Variants in NR2F1-AS1 observed in about 807,000 individuals in gnomAD.
NR2F1-AS1 encodes the protein NR2F1 antisense RNA 1.
intron 4 of NR2F1-AS1, among the ~76,000 whole-genome samples, chr5:93,506,787 T>A (rs1184292464): frequency 1.3e-5 from 2 of 152,070 alleles, no homozygotes; most frequent in Non-Finnish European, 2.9e-5. Context: ...CAATTCAAGT[T>A]GAGATTTGGG....
chr5:93,426,103 A>G (rs1457298370), intron 4 of NR2F1-AS1, among the ~76,000 whole-genome samples: 1 of 151,646 alleles, frequency 6.6e-6, no homozygotes, highest in African/African-American at 2.4e-5. Flanking sequence ...GCTGGAGTGC[A>G]GTGGTGCCAT....
chr5:93,575,666 C>T (rs1752879291), intron 1 of NR2F1-AS1, among the ~76,000 whole-genome samples: 1 of 152,114 alleles, frequency 6.6e-6, no homozygotes, highest in East Asian at 1.9e-4. Context: ...CAGTTGAAAA[C>T]AGAAAGGAAA....
intron 4 of NR2F1-AS1, among the ~76,000 whole-genome samples, chr5:93,460,133 T>C (rs1280895976): frequency 6.6e-6 from 1 of 152,078 alleles, no homozygotes; most frequent in Admixed American, 6.6e-5. Flanking sequence ...CCAGACTTGA[T>C]GAAAACGCCC....
chr5:93,434,830 A>G (rs1302485110), intron 4 of NR2F1-AS1, among the ~76,000 whole-genome samples: 1 of 152,066 alleles, frequency 6.6e-6, no homozygotes, highest in Non-Finnish European at 1.5e-5. Flanking sequence ...AATTTTTTTT[A>G]TAATTAGATT....
At chr5:93,515,845 T>G (rs895616466) in intron 4 of NR2F1-AS1, among the ~76,000 whole-genome samples, 24 of 151,940 alleles carry the variant, frequency 1.6e-4, no homozygotes, top group African/African-American at 5.8e-4. Flanking sequence ...TCATTTTTAC[T>G]TATTTATGGT....
At chr5:93,521,454 A>T (rs990711215) in intron 4 of NR2F1-AS1, among the ~76,000 whole-genome samples, 6 of 152,222 alleles carry the variant, frequency 3.9e-5, no homozygotes, top group African/African-American at 1.4e-4. Context: ...AATATTTGCA[A>T]ACTATGTACC....
chr5:93,412,030 T>G (rs11951859), intron 4 of NR2F1-AS1, among the ~76,000 whole-genome samples: 14 of 151,990 alleles, frequency 9.2e-5, no homozygotes, highest in Non-Finnish European at 1.9e-4. Context: ...GAGGCACACA[T>G]GAAAACTTCA....
chr5:93,497,378 C>A (rs759369414), intron 4 of NR2F1-AS1, among the ~76,000 whole-genome samples: 1 of 152,258 alleles, frequency 6.6e-6, no homozygotes, highest in East Asian at 1.9e-4. Flanking sequence ...TGGCTGAAAC[C>A]AAATATAAGG....
chr5:93,525,380 A>G (rs1157420014), intron 4 of NR2F1-AS1, among the ~76,000 whole-genome samples: 2 of 152,216 alleles, frequency 1.3e-5, no homozygotes, highest in African/African-American at 2.4e-5. Context: ...AGAGACCTAC[A>G]AAGAGATGTA....
At chr5:93,535,526 A>G (rs916881014) in intron 4 of NR2F1-AS1, among the ~76,000 whole-genome samples, 49 of 151,940 alleles carry the variant, frequency 3.2e-4, no homozygotes, top group African/African-American at 1.2e-3. Context: ...GAAGCAAGAA[A>G]TAAAAAGATA....
chr5:93,537,489 G>A (rs540075897), intron 4 of NR2F1-AS1, among the ~76,000 whole-genome samples: 12 of 152,080 alleles, frequency 7.9e-5, no homozygotes, highest in Admixed American at 7.2e-4. Flanking sequence ...TTTAAAATGG[G>A]CAAAAGACCT....
intron 4 of NR2F1-AS1, among the ~76,000 whole-genome samples, chr5:93,469,058 T>C (rs1036944080): frequency 6.6e-6 from 1 of 152,214 alleles, no homozygotes; most frequent in African/African-American, 2.4e-5. Context: ...CAGGGCTTTT[T>C]TGGCTCATTG....
chr5:93,510,865 A>G (rs1372107302), intron 4 of NR2F1-AS1, among the ~76,000 whole-genome samples: 2 of 152,154 alleles, frequency 1.3e-5, no homozygotes, highest in African/African-American at 4.8e-5. Context: ...GAGAAGTTTG[A>G]TTGTTTATTA....
chr5:93,450,579 A>T (rs1264918365), intron 4 of NR2F1-AS1, among the ~76,000 whole-genome samples: 1 of 152,194 alleles, frequency 6.6e-6, no homozygotes, highest in Non-Finnish European at 1.5e-5. Flanking sequence ...TCTATATCAC[A>T]ATCACTGTAG....
intron 4 of NR2F1-AS1, among the ~76,000 whole-genome samples, chr5:93,491,451 A>T (rs1026898281): frequency 3.3e-5 from 5 of 151,512 alleles, no homozygotes; most frequent in African/African-American, 7.3e-5. Context: ...GGAAACCAAA[A>T]TTTTTTTTTA....
chr5:93,463,981 C>T (rs1026012364), intron 4 of NR2F1-AS1, among the ~76,000 whole-genome samples: 2 of 152,040 alleles, frequency 1.3e-5, no homozygotes, highest in African/African-American at 2.4e-5. Flanking sequence ...TGAGTTAAGA[C>T]TTTGGGAGAC....
intron 4 of NR2F1-AS1, among the ~76,000 whole-genome samples, chr5:93,470,763 A>G (rs1189818016): frequency 6.6e-6 from 1 of 151,874 alleles, no homozygotes; most frequent in South Asian, 2.1e-4. Flanking sequence ...CCCTTATTAG[A>G]TATTATCATG....
chr5:93,564,269 A>C lies in NR2F1-AS1; in HGVS notation n.314-806T>G, dbSNP rs115500157. On this transcript the variant is annotated intron_variant and non_coding_transcript_variant, in intron 1 of 5. Coordinates refer to ENST00000660523, the Ensembl canonical transcript of NR2F1-AS1. Reference sequence around the variant, plus strand: ...CAAGTATGCATTTGTAGAAGGAAGCAGTAGTTTATTAAACCAACTTTTTGA... The same window carrying C: ...CAAGTATGCATTTGTAGAAGGAAGCCGTAGTTTATTAAACCAACTTTTTGA... Among the ~76,000 whole-genome samples the C allele has an allele frequency of 5.8e-3, 878 of 152,142 alleles. 7 individuals are homozygous for C. Among genetic ancestry groups the C allele is most frequent in the Non-Finnish European group, 9.2e-3 (627 of 68,006 alleles).
chr5:93,460,384 G>A (rs1750062684), intron 4 of NR2F1-AS1, among the ~76,000 whole-genome samples: 1 of 152,188 alleles, frequency 6.6e-6, no homozygotes, highest in Non-Finnish European at 1.5e-5. Flanking sequence ...ACATTTTAGA[G>A]TAGTCTGAGG....
Sources: gnomAD v4.1 joint callset for allele counts (sites outside exome capture counted in the v4.1 genomes callset) on GRCh38, gnomAD v4.1.1 for gene constraint, MANE v1.5 for transcripts, NCBI Gene and HGNC (gene_info 2026-07-23, HGNC 2026-07-21) for gene names.